CNMD: variants seen among roughly 807,000 people sequenced by gnomAD.
CNMD encodes the protein leukocyte cell-derived chemotaxin 1.
CNMD carries 30 observed loss-of-function variants against 37.5 expected under a neutral mutation model. The ratio of observed to expected loss-of-function variants is 0.80; its 90% CI spans 0.60 to 1.09. The LOEUF is 1.09. CNMD is among the 50% of genes least tolerant of loss of function. The pLI is 0.00. For missense variants in CNMD, 398 were observed against 423.9 expected, an observed-to-expected ratio of 0.94 and a Z score of 0.54; for synonymous variants, 167 against 148.2, an observed-to-expected ratio of 1.13 and a Z score of -0.92.
At position 52,739,584 on chromosome 13, in the gene CNMD, C is replaced by G; in HGVS notation, c.72+46G>C. 6.5e-7 allele frequency: 1 copy of G among 1,546,048 alleles called. No individual in the cohort carries two copies. The highest frequency in any genetic ancestry group is 8.9e-7 in the Non-Finnish European group (1 of 1,118,194). On this transcript the variant is annotated intron_variant, in intron 1 of 6. Transcript: ENST00000377962. This position sits in a 1 kb window ranked among gnomAD's most constrained non-coding sequence, Gnocchi z 5.4. ...TGAGTCCGAACTGTGGAACCTGATA[C>G]TCACACAACCCAGGCCCTGCGTGTG...
intron 5 of CNMD, among the ~76,000 whole-genome samples, chr13:52,709,662 G>A (rs768330015): frequency 6.6e-6 from 1 of 152,154 alleles, no homozygotes; most frequent in Admixed American, 6.6e-5. Flanking sequence ...CTGCAGCAGG[G>A]CTGATGGCTG....
At chr13:52,733,769 T>G (rs970707052) in intron 2 of CNMD, among the ~76,000 whole-genome samples, 1 of 152,212 alleles carries the variant, frequency 6.6e-6, no homozygotes, top group Non-Finnish European at 1.5e-5. Context: ...GGTTGAGCAC[T>G]ATTGATGGAT....
intron 4 of CNMD, among the ~76,000 whole-genome samples, chr13:52,720,144 G>C (rs925964290): frequency 6.6e-6 from 1 of 152,046 alleles, no homozygotes; most frequent in African/African-American, 2.4e-5. Flanking sequence ...CTTGTGTATG[G>C]TTCACGAAGT....
chr13:52,716,713 G>C (rs141637958), intron 4 of CNMD, among the ~76,000 whole-genome samples: 6 of 152,262 alleles, frequency 3.9e-5, no homozygotes, highest in Non-Finnish European at 7.4e-5. Flanking sequence ...CCATATACCT[G>C]TTTTGGTACC....
At position 52,706,146 on chromosome 13, in the gene CNMD, A is replaced by G. The variant is rs147938611; in HGVS notation, c.790-2336T>C. On this transcript the variant is annotated intron_variant, in intron 6 of 6. Coordinates refer to ENST00000377962, the MANE Select transcript of CNMD (RefSeq NM_007015.3). Reference sequence around the variant, plus strand: ...TATGAAAAGATGCTCACCCTTACACATAATTAAAGACAAGCAAGATAAACA... The same window carrying G: ...TATGAAAAGATGCTCACCCTTACACGTAATTAAAGACAAGCAAGATAAACA... Among the ~76,000 whole-genome samples, 821 of 152,352 alleles carry G rather than the reference A, an allele frequency of 5.4e-3. 3 individuals are homozygous for G. The highest frequency in any genetic ancestry group is 7.3e-3 in the Non-Finnish European group (500 of 68,034).
chr13:52,713,711 G>A (rs1381003223), intron 4 of CNMD, among the ~76,000 whole-genome samples: 1 of 152,168 alleles, frequency 6.6e-6, no homozygotes, highest in Non-Finnish European at 1.5e-5. Flanking sequence ...CTCCATCCAG[G>A]AAATGAATGC....
intron 3 of CNMD, among the ~76,000 whole-genome samples, chr13:52,724,626 G>A (rs1744687961): frequency 6.6e-6 from 1 of 152,000 alleles, no homozygotes; most frequent in African/African-American, 2.4e-5. Flanking sequence ...AAAACAGCCG[G>A]ACATGGTGGC....
At chr13:52,707,299 C>T (rs1415893673) in intron 6 of CNMD, among the ~76,000 whole-genome samples, 1 of 150,260 alleles carries the variant, frequency 6.7e-6, no homozygotes, top group Non-Finnish European at 1.5e-5. Context: ...GAGTTTTTAG[C>T]ACCTCGTGTC....
chr13:52,728,823 G>A (rs965142453), intron 3 of CNMD, among the ~76,000 whole-genome samples: 1 of 152,174 alleles, frequency 6.6e-6, no homozygotes, highest in East Asian at 1.9e-4. Context: ...ACACCGCAGT[G>A]AGAACTGAAA....
rs372845189 is a variant in CNMD, at chr13:52,724,047, G to A, written c.418C>T (p.Arg140Cys). 54 of 1,613,938 alleles carry A rather than the reference G, an allele frequency of 3.3e-5. No homozygotes were observed. Among genetic ancestry groups the A allele is most frequent in the Non-Finnish European group, 4.2e-5 (50 of 1,179,998 alleles). Residue 140 changes from arginine (R) to cysteine (C), a missense_variant, in exon 4 of 7, where the codon CGT becomes TGT. Coordinates refer to ENST00000377962, the MANE Select transcript of CNMD (RefSeq NM_007015.3). ...GTCACGGCGCCCACCTCAGGAATACGAGCCTTCACTTGCGCTTTAATGTAG... is the reference window on the plus strand; with the variant it reads ...GTCACGGCGCCCACCTCAGGAATACAAGCCTTCACTTGCGCTTTAATGTAG... ...KCYIKAQVKA[R>C]IPEVGAVTKQ...
chr13:52,717,140 CTCTG>C (rs1243884515), intron 4 of CNMD, among the ~76,000 whole-genome samples: 22 of 152,058 alleles, frequency 1.4e-4, no homozygotes, highest in Admixed American at 7.2e-4. Context: ...TGATTTGGCT[CTCTG>C]TCTATTATTG....
Position 52,733,904 on chromosome 13 carries a change from A to G in CNMD, c.214-545T>C, listed in dbSNP as rs1964715816. 3.9e-5 allele frequency among the ~76,000 whole-genome samples: 6 copies of G among 152,272 alleles called. No homozygotes were observed. In the Middle Eastern group the frequency reaches 0.014, roughly 345 times the overall value. ...ATTAGGCATGCAGTGTCTCAGGTAT[A>G]TGGTATATGGTATTAGGTATATGGA... On this transcript the variant is annotated intron_variant, in intron 2 of 6. Transcript: ENST00000377962.
chr13:52,709,473 A>T (rs963762531), intron 5 of CNMD, among the ~76,000 whole-genome samples: 1 of 152,216 alleles, frequency 6.6e-6, no homozygotes, highest in African/African-American at 2.4e-5. Flanking sequence ...TGCAAGGGAA[A>T]TATCTTGGTT....
chr13:52,723,095 G>GTTTT (rs748528564), intron 4 of CNMD, among the ~76,000 whole-genome samples: 2 of 151,774 alleles, frequency 1.3e-5, no homozygotes, highest in African/African-American at 4.8e-5. Context: ...TCTCTTTCGG[G>GTTTT]TTTTTTTATT....
rs964435169 is a variant in CNMD at position 52,739,533 on chromosome 13, C to T, written c.72+97G>A. 3 of 1,113,186 alleles carry T rather than the reference C, an allele frequency of 2.7e-6. No homozygotes were observed. The highest frequency in any genetic ancestry group is 1.3e-5 in the South Asian group (1 of 77,148). The allele number at this position is 1,113,186 out of a possible 1,614,324, so 69.0% of individuals were successfully genotyped here. On this transcript the variant is annotated intron_variant, in intron 1 of 6. Coordinates refer to ENST00000377962, the MANE Select transcript of CNMD (RefSeq NM_007015.3). This position sits in a 1 kb window ranked among gnomAD's most constrained non-coding sequence, Gnocchi z 5.4. ...GGACCCAAATTTATCCCCCCGCCAA[C>T]ACACCCATTCGGTGGCACGCACCCC...
chr13:52,733,402 C>T, intron 2 of CNMD, 43 bp from the exon 3 acceptor site: 1 of 1,593,280 alleles, frequency 6.3e-7, no homozygotes, highest in Admixed American at 1.7e-5. Context: ...CTTTTTTGAG[C>T]AATTCAGGGC....
intron 5 of CNMD, among the ~76,000 whole-genome samples, chr13:52,710,235 G>A (rs1180037820): frequency 6.6e-6 from 1 of 152,194 alleles, no homozygotes; most frequent in Admixed American, 6.5e-5. Flanking sequence ...AGCATGGTTG[G>A]AGAGGCACCA....
intron 6 of CNMD, among the ~76,000 whole-genome samples, chr13:52,704,386 G>C (rs948974769): frequency 6.6e-6 from 1 of 152,100 alleles, no homozygotes; most frequent in African/African-American, 2.4e-5. Flanking sequence ...AGGGACAAAG[G>C]GGTCTCAGGA....
intron 2 of CNMD, among the ~76,000 whole-genome samples, chr13:52,737,784 C>T (rs1275855142): frequency 6.6e-6 from 1 of 152,202 alleles, no homozygotes; most frequent in East Asian, 1.9e-4. Context: ...TTCTCTTATT[C>T]ACATTTGCTG....
Sources: gnomAD v4.1 joint callset for allele counts (sites outside exome capture counted in the v4.1 genomes callset) on GRCh38, gnomAD v4.1.1 for gene constraint, Gnocchi (gnomAD v3.1) non-coding constraint, MANE v1.5 for transcripts, NCBI Gene and HGNC (gene_info 2026-07-23, HGNC 2026-07-21) for gene names.